Variants in ZBTB20 observed in about 807,000 individuals in gnomAD.
The protein encoded by ZBTB20 is zinc finger and BTB domain-containing protein 20.
Under a neutral mutation model 56.9 loss-of-function variants are expected in ZBTB20, and 9 were observed. That is an observed-to-expected ratio of 0.16 (90% confidence interval 0.10 to 0.28). The LOEUF (loss-of-function observed/expected upper bound fraction) is 0.28. ZBTB20 is among the 10% of genes least tolerant of loss of function. ZBTB20 has a pLI of 1.00. For missense variants in ZBTB20, 655 were observed against 1,003.0 expected, an observed-to-expected ratio of 0.65 and a Z score of 4.69; for synonymous variants, 417 against 420.7, an observed-to-expected ratio of 0.99 and a Z score of 0.11.
intron 6 of ZBTB20, among the ~76,000 whole-genome samples, chr3:114,538,166 T>A (rs1400361739): frequency 6.6e-6 from 1 of 152,092 alleles, no homozygotes; most frequent in African/African-American, 2.4e-5. Context: ...GCTAAACCTA[T>A]AGAAACTCTA....
At chr3:114,908,551 G>A (rs2075404243) in intron 3 of ZBTB20, among the ~76,000 whole-genome samples, 1 of 151,908 alleles carries the variant, frequency 6.6e-6, no homozygotes, top group Non-Finnish European at 1.5e-5. Flanking sequence ...GGTCATGTGG[G>A]AGTCTCACAG....
intron 1 of ZBTB20, among the ~76,000 whole-genome samples, chr3:115,146,985 G>A (rs1240570750): frequency 6.7e-6 from 1 of 149,996 alleles, no homozygotes; most frequent in African/African-American, 2.4e-5. Flanking sequence ...CGGGGGAGGG[G>A]GCGCGGGCGG....
chr3:114,653,777 G>A (rs1448534124), intron 6 of ZBTB20, among the ~76,000 whole-genome samples: 1 of 151,808 alleles, frequency 6.6e-6, no homozygotes, highest in Non-Finnish European at 1.5e-5. Flanking sequence ...GAATGCTTTT[G>A]ACGACAAATT....
chr3:114,665,134 C>G (rs1004481197), intron 6 of ZBTB20, among the ~76,000 whole-genome samples: 2 of 151,944 alleles, frequency 1.3e-5, no homozygotes, highest in Admixed American at 6.6e-5. Flanking sequence ...ACATTTTGGT[C>G]AACAATGAAC....
chr3:114,790,309 C>A (rs2070852053), intron 5 of ZBTB20, among the ~76,000 whole-genome samples: 1 of 152,068 alleles, frequency 6.6e-6, no homozygotes, highest in South Asian at 2.1e-4. Context: ...AATTAATAAT[C>A]TTTCCTGATT....
chr3:114,464,184 C>A (rs2092445874), intron 7 of ZBTB20, among the ~76,000 whole-genome samples: 2 of 151,998 alleles, frequency 1.3e-5, no homozygotes, highest in Admixed American at 1.3e-4. Context: ...ATTGGCTTTT[C>A]TTGGGGGGCA....
intron 7 of ZBTB20, among the ~76,000 whole-genome samples, chr3:114,477,819 A>G (rs1258641986): frequency 6.6e-6 from 1 of 150,786 alleles, no homozygotes; most frequent in Admixed American, 6.6e-5. Flanking sequence ...TTTTGCATAG[A>G]CTTCAGTCTT....
At chr3:115,015,713 T>G (rs1330592358) in intron 2 of ZBTB20, among the ~76,000 whole-genome samples, 1 of 151,816 alleles carries the variant, frequency 6.6e-6, no homozygotes, top group Non-Finnish European at 1.5e-5. Flanking sequence ...TTTATCCAGT[T>G]TATCACTGAT....
intron 5 of ZBTB20, among the ~76,000 whole-genome samples, chr3:114,722,881 T>C (rs113766507): frequency 0.013 from 2,001 of 152,336 alleles, 49 homozygotes; most frequent in African/African-American, 0.045. Context: ...GGGGTGATGC[T>C]GATTATATTA....
chr3:114,550,593 G>T (rs2050451568), intron 6 of ZBTB20, among the ~76,000 whole-genome samples: 1 of 152,090 alleles, frequency 6.6e-6, no homozygotes, highest in Admixed American at 6.5e-5. Flanking sequence ...TGCTTTTTGG[G>T]GGGTTGTCTT....
At chr3:114,485,266 C>T (rs979889391) in intron 7 of ZBTB20, among the ~76,000 whole-genome samples, 10 of 152,222 alleles carry the variant, frequency 6.6e-5, no homozygotes, top group African/African-American at 2.4e-4. Flanking sequence ...TAAAACCCTA[C>T]ACAATCCTAG....
At chr3:115,076,062 A>T (rs2082583791) in intron 1 of ZBTB20, among the ~76,000 whole-genome samples, 1 of 152,154 alleles carries the variant, frequency 6.6e-6, no homozygotes, top group African/African-American at 2.4e-5. Context: ...AAGACAATTA[A>T]GGAGATTAAA....
At chr3:114,850,732 A>G (rs1234570470) in intron 4 of ZBTB20, among the ~76,000 whole-genome samples, 1 of 152,192 alleles carries the variant, frequency 6.6e-6, no homozygotes, top group Non-Finnish European at 1.5e-5. Context: ...CTTGTGTTCA[A>G]TTTAAAACTG....
chr3:114,494,238 C>A (rs185557146), intron 7 of ZBTB20, among the ~76,000 whole-genome samples: 3 of 152,064 alleles, frequency 2.0e-5, no homozygotes, highest in African/African-American at 7.2e-5. Context: ...AGGCTTTTGT[C>A]CATTATCTTC....
At chr3:114,811,936 C>T (rs981618925) in intron 4 of ZBTB20, among the ~76,000 whole-genome samples, 1 of 152,116 alleles carries the variant, frequency 6.6e-6, no homozygotes, top group African/African-American at 2.4e-5. Flanking sequence ...TGTTACAGTT[C>T]TTAAAGGCGG....
intron 7 of ZBTB20, among the ~76,000 whole-genome samples, chr3:114,484,765 T>G (rs187474161): frequency 2.6e-5 from 4 of 151,930 alleles, no homozygotes; most frequent in African/African-American, 9.7e-5. Context: ...TTGTAATGCA[T>G]CTAATAGGCA....
chr3:115,146,225 C>T (rs561112772), intron 1 of ZBTB20, among the ~76,000 whole-genome samples: 1 of 152,148 alleles, frequency 6.6e-6, no homozygotes, highest in Non-Finnish European at 1.5e-5. Context: ...CGCTAGGTAC[C>T]GTAGCTGTAC....
chr3:114,638,792 A>C (rs2059408617), intron 6 of ZBTB20, among the ~76,000 whole-genome samples: 1 of 152,144 alleles, frequency 6.6e-6, no homozygotes, highest in African/African-American at 2.4e-5. Flanking sequence ...ATACAATAAA[A>C]GCAAATTTTT....
chr3:114,486,928 A>C (rs2042210682), intron 7 of ZBTB20, among the ~76,000 whole-genome samples: 1 of 152,246 alleles, frequency 6.6e-6, no homozygotes, highest in East Asian at 1.9e-4. Context: ...GAAATGAAGA[A>C]TAATATAGAG....
Sources: gnomAD v4.1 joint callset for allele counts (sites outside exome capture counted in the v4.1 genomes callset) on GRCh38, gnomAD v4.1.1 for gene constraint, MANE v1.5 for transcripts, NCBI Gene and HGNC (gene_info 2026-07-23, HGNC 2026-07-21) for gene names.